The following TEX30 variants were observed in gnomAD, a reference collection of about 807,000 sequenced individuals.
TEX30 encodes the protein testis expressed 30.
A neutral mutation model predicts 23.8 loss-of-function variants in TEX30; 14 were observed. The observed-to-expected ratio is 0.59, with a 90% confidence interval of 0.39 to 0.92. The LOEUF is 0.92. TEX30 is among the 40% of genes least tolerant of loss of function. TEX30 has a pLI of 0.00. For missense variants in TEX30, 246 were observed against 270.6 expected (o/e 0.91, Z 0.64); for synonymous variants, 78 against 90.2 (o/e 0.87, Z 0.76).
At chr13:102,773,280 C>A (rs1199944456) in intron 1 of TEX30, among the ~76,000 whole-genome samples, 1 of 152,140 alleles carries the variant, frequency 6.6e-6, no homozygotes, top group African/African-American at 2.4e-5. Flanking sequence ...CACGGGCGTG[C>A]GGGGCTCGGC....
chr13:102,773,175 C>A (rs1314507943), intron 1 of TEX30, among the ~76,000 whole-genome samples: 2 of 152,248 alleles, frequency 1.3e-5, no homozygotes, highest in Non-Finnish European at 2.9e-5. Context: ...ATTAAGCTGG[C>A]TGTCGTGGGG....
At chr13:102,770,908 G>GT (rs1423627774) in intron 1 of TEX30, 2 of 152,108 alleles carry the variant, frequency 1.3e-5, no homozygotes, top group Non-Finnish European at 2.9e-5. Flanking sequence ...CTCTTGTATT[G>GT]TTTAAGACAT....
chr13:102,768,106 T>A (rs992436720), intron 4 of TEX30, among the ~76,000 whole-genome samples, 154 bp downstream of exon 4: 1 of 152,124 alleles, frequency 6.6e-6, no homozygotes, highest in Admixed American at 6.6e-5. Flanking sequence ...TTGCTCTAAG[T>A]ATATAAAGTG....
Position 102,770,045 on chromosome 13 carries a change from AACTT to A in TEX30, c.-23_-20del. ...GACTCATTTTCACTGTTGAATAACA[AACTT>A]AAAGTGCATTTACATCTGAGAAGCA... is the stretch of plus-strand genomic sequence containing the variant. On this transcript the variant is annotated 5_prime_UTR_variant, in exon 2 of 6. The change abolishes the stop of an existing upstream ORF in the 5' untranslated region. Transcript: ENST00000376032. 1 of 1,393,338 alleles carries A rather than the reference AACTT, an allele frequency of 7.2e-7. No individual in the cohort carries two copies. 86.3% of individuals were successfully genotyped at this position (1,393,338 alleles called of 1,614,324 possible).
chr13:102,770,302 A>G (rs1342057652), intron 1 of TEX30: 1 of 290,928 alleles, frequency 3.4e-6, no homozygotes, highest in Non-Finnish European at 6.3e-6. Flanking sequence ...CAAAGGTGAT[A>G]CTTTGACATG....
chr13:102,770,961 A>G (rs1257163534), intron 1 of TEX30: 1 of 152,174 alleles, frequency 6.6e-6, no homozygotes, highest in Non-Finnish European at 1.5e-5. Flanking sequence ...TTTTCCCATT[A>G]ACATTTATTT....
intron 2 of TEX30, 164 bp from the exon 3 acceptor site, chr13:102,769,705 G>T: frequency 3.5e-6 from 2 of 568,782 alleles, no homozygotes; most frequent in Non-Finnish European, 6.1e-6. Context: ...ACTGTGTCGG[G>T]TATTATTATA....
chr13:102,772,106 T>C (rs1877362893), intron 1 of TEX30, among the ~76,000 whole-genome samples: 1 of 152,192 alleles, frequency 6.6e-6, no homozygotes, highest in Non-Finnish European at 1.5e-5. Flanking sequence ...TTTAGATGCA[T>C]GTAAACAACC....
At chr13:102,767,137 G>C (rs576582885) in intron 5 of TEX30, 136 bp downstream of exon 5, 1 of 834,400 alleles carries the variant, frequency 1.2e-6, no homozygotes, top group Non-Finnish European at 1.8e-6. Context: ...AAAAGCAACA[G>C]AGTAACCAGG....
At chr13:102,769,916 AGT>A (rs1877198278) in intron 2 of TEX30, 94 bp downstream of exon 2, 1 of 1,101,700 alleles carries the variant, frequency 9.1e-7, no homozygotes, top group African/African-American at 1.6e-5. Context: ...TGCCTCCCAC[AGT>A]GAAAGTTGAA....
chr13:102,772,808 C>T (rs1183337346), intron 1 of TEX30, among the ~76,000 whole-genome samples: 1 of 152,246 alleles, frequency 6.6e-6, no homozygotes, highest in Non-Finnish European at 1.5e-5. Flanking sequence ...CTCAGGTGAT[C>T]CACCCGCCTC....
chr13:102,770,040 TA>T lies in TEX30; in HGVS notation c.-15del. The stretch of plus-strand genomic sequence containing the variant: ...TGTATGACTCATTTTCACTGTTGAA[TA>T]ACAAACTTAAAGTGCATTTACATCT... On this transcript the variant is annotated 5_prime_UTR_variant, in exon 2 of 6. An upstream open reading frame in the 5' UTR loses its in-frame stop. Transcript: ENST00000376032. 7.1e-7 allele frequency: 1 copy of T among 1,408,036 alleles called. No individual in the cohort carries two copies. The highest frequency in any genetic ancestry group is 9.3e-7 in the Non-Finnish European group (1 of 1,073,004). 87.2% of individuals were successfully genotyped at this position (1,408,036 alleles called of 1,614,324 possible). A position where few individuals can be genotyped will look rare whatever the true frequency, so the allele number is the denominator to read the frequency against.
chr13:102,770,897 G>A (rs1877271780), intron 1 of TEX30: 1 of 152,084 alleles, frequency 6.6e-6, no homozygotes, highest in South Asian at 2.1e-4. Flanking sequence ...TATGTTAAGA[G>A]CTCTTGTATT....
chr13:102,767,114 T>G (rs1876941783), intron 5 of TEX30, among the ~76,000 whole-genome samples, 159 bp downstream of exon 5: 2 of 152,244 alleles, frequency 1.3e-5, no homozygotes, highest in African/African-American at 4.8e-5. Flanking sequence ...TATACTTATA[T>G]TTTTAGGTTC....
At chr13:102,769,778 T>C in intron 2 of TEX30, 1 of 533,228 alleles carries the variant, frequency 1.9e-6, no homozygotes, top group South Asian at 3.1e-5. Context: ...AGCACTATCA[T>C]TATCCCCATT....
intron 1 of TEX30, among the ~76,000 whole-genome samples, chr13:102,772,191 A>G (rs1877371922): frequency 6.6e-6 from 1 of 152,056 alleles, no homozygotes. Flanking sequence ...ACAGGCCGGA[A>G]AATTGAGTGG....
chr13:102,770,011 C>G lies in TEX30; in HGVS notation c.15+1G>C, dbSNP rs1877205667. On this transcript the variant is annotated splice_donor_variant, in intron 2 of 5. Transcript: ENST00000376032. LOFTEE classifies it high-confidence loss of function. ...AGATGCAGAACATACGAAAATATTA[C>G]CTCTGTATGACTCATTTTCACTGTT... 6.9e-7 allele frequency: 1 copy of G among 1,445,594 alleles called. No individual in the cohort carries two copies. The allele number at this position is 1,445,594 out of a possible 1,614,324, so 89.5% of individuals were successfully genotyped here. A position where few individuals can be genotyped will look rare whatever the true frequency, so the allele number is the denominator to read the frequency against.
Position 102,767,383 on chromosome 13 carries a change from A to G in TEX30, c.394T>C (p.Tyr132His). 1.2e-6 allele frequency: 2 copies of G among 1,614,180 alleles called. No homozygotes were observed. The highest frequency in any genetic ancestry group is 1.7e-6 in the Non-Finnish European group (2 of 1,180,026). The change falls in exon 5 of 6, where the codon TAC (tyrosine) becomes CAC (histidine). Residue 132 changes from tyrosine to histidine, a missense_variant. By Grantham distance (83) the Tyr-to-His change is moderately conservative (BLOSUM62 2). Coordinates refer to ENST00000376032, the MANE Select transcript of TEX30 (RefSeq NM_138779.5). ...TGCTGCTTTGGATGGTGCAGTGGGT[A>G]AGAAATACAAATGAGACCCCGAACA... Reference protein sequence around the residue: ...DFVRGLICISYPLHHPKQQHK... With the variant: ...DFVRGLICISHPLHHPKQQHK...
chr13:102,770,701 T>C (rs753407196), intron 1 of TEX30: 1 of 152,314 alleles, frequency 6.6e-6, no homozygotes, highest in Non-Finnish European at 1.5e-5. Context: ...AAAAACATGC[T>C]CTAGGTGGTT....
Sources: gnomAD v4.1 joint callset for allele counts (sites outside exome capture counted in the v4.1 genomes callset) on GRCh38, gnomAD v4.1.1 for gene constraint, MANE v1.5 for transcripts, NCBI Gene and HGNC (gene_info 2026-07-23, HGNC 2026-07-21) for gene names.